PRKRA: variants seen among roughly 807,000 people sequenced by gnomAD.
The protein encoded by PRKRA is interferon-inducible double-stranded RNA-dependent protein kinase activator A.
In PRKRA, 22 loss-of-function variants were observed where a neutral mutation model predicts 32.4. That is an observed-to-expected ratio of 0.68 (90% CI 0.49 to 0.97). PRKRA has a LOEUF of 0.97. PRKRA is among the 50% of genes least tolerant of loss of function. PRKRA has a pLI of 0.00. For synonymous variants in PRKRA, 139 were observed against 129.8 expected, an observed-to-expected ratio of 1.07 and a Z score of -0.48; for missense variants, 319 against 375.6, an observed-to-expected ratio of 0.85 and a Z score of 1.25.
At position 178,450,301 on chromosome 2, in the gene PRKRA, A is replaced by G. The variant is rs1470202205; in HGVS notation, c.176T>C (p.Val59Ala). The change falls in exon 2 of 8, where the codon GTG becomes GCG. Residue 59 changes from valine to alanine, a missense_variant. Val to Ala is a moderately conservative substitution (Grantham distance 64). Transcript: ENST00000325748. ...IPVYECERSD[V>A]QIHVPTFTFR... Reference sequence around the variant, plus strand: ...GGTGAAAGTGGGCACGTGTATTTGCACATCAGATCTTTCACATTCATAAAC... The same window carrying G: ...GGTGAAAGTGGGCACGTGTATTTGCGCATCAGATCTTTCACATTCATAAAC... 1 of 1,614,260 alleles carries G rather than the reference A, an allele frequency of 6.2e-7. No homozygotes were observed. Among genetic ancestry groups the G allele is most frequent in the Admixed American group, 1.7e-5 (1 of 60,030 alleles).
At chr2:178,449,055 T>C (rs147203486) in intron 2 of PRKRA, among the ~76,000 whole-genome samples, 1 of 152,322 alleles carries the variant, frequency 6.6e-6, no homozygotes, top group Non-Finnish European at 1.5e-5. Context: ...TTCAGAATAT[T>C]AGTCTTTAGA....
intron 2 of PRKRA, among the ~76,000 whole-genome samples, chr2:178,449,427 C>A (rs557292036): frequency 6.6e-6 from 1 of 152,168 alleles, no homozygotes; most frequent in South Asian, 2.1e-4. Flanking sequence ...AGAACTTGAG[C>A]CTTCCTACTA....
chr2:178,442,173 C>G (rs1697143077), intron 5 of PRKRA, among the ~76,000 whole-genome samples: 1 of 152,190 alleles, frequency 6.6e-6, no homozygotes, highest in South Asian at 2.1e-4. Context: ...GTGTGAGCCA[C>G]TGTGCCAGGC....
intron 3 of PRKRA, 45 bp downstream of exon 3, chr2:178,447,460 G>A (rs775145809): frequency 1.2e-5 from 20 of 1,613,792 alleles, no homozygotes; most frequent in Middle Eastern, 1.7e-4. Context: ...TCTTACCTCA[G>A]CCATGATATT....
In PRKRA at chr2:178,441,638, T is replaced by C. The variant is rs749948940; in HGVS notation, c.581A>G (p.Asn194Ser). 6.2e-7 allele frequency: 1 copy of C among 1,608,110 alleles called. No individual in the cohort carries two copies. The highest frequency in any genetic ancestry group is 1.7e-5 in the Admixed American group (1 of 60,020). The change falls in exon 6 of 8, where the codon AAT becomes AGT. Residue 194 changes from asparagine to serine, a missense_variant. Asn to Ser is a conservative substitution (Grantham distance 46). Transcript: ENST00000325748. ...AAEKFLAKFS[N>S]ISPENHISLT... is the part of the protein sequence containing the mutation. ...AGAAATGTGGTTCTCTGGAGAAATATTACTAAATTTGGCAAGAAATTTCTC... is the reference window on the plus strand; with the variant it reads ...AGAAATGTGGTTCTCTGGAGAAATACTACTAAATTTGGCAAGAAATTTCTC...
intron 2 of PRKRA, among the ~76,000 whole-genome samples, chr2:178,447,804 A>T (rs1186521569): frequency 2.6e-5 from 4 of 152,250 alleles, no homozygotes; most frequent in East Asian, 1.9e-4. Flanking sequence ...AAAAAATTTT[A>T]AAAAATAACT....
chr2:178,450,920 C>A lies in PRKRA; in HGVS notation c.65+46G>T, dbSNP rs980752424. On this transcript the variant is annotated intron_variant, in intron 1 of 7. Transcript: ENST00000325748. ...CCGGCTCCCCGCGCCCCGGCCCTGC[C>A]GCCCAACGCTCCCGGCCCTGGGGCC... 5 of 1,518,232 alleles carry A rather than the reference C, an allele frequency of 3.3e-6. No homozygotes were observed. The African/African-American group carries it at 4.3e-5, about 13-fold the overall frequency. 94.0% of individuals were successfully genotyped at this position (1,518,232 alleles called of 1,614,324 possible).
rs1575082034 is a variant in PRKRA, at chr2:178,431,930, A to G, written c.*167T>C. On this transcript the variant is annotated 3_prime_UTR_variant, in exon 8 of 8. Coordinates refer to ENST00000325748, the MANE Select transcript of PRKRA (RefSeq NM_003690.5). ...TGATACAAAGTTGAAGCCATTAAAA[A>G]GAGCTTAATAACAACTATGAGGAGA... The G allele has an allele frequency of 1.2e-6, 1 of 839,244 alleles. No homozygotes were observed. Among genetic ancestry groups the G allele is most frequent in the Non-Finnish European group, 1.9e-6 (1 of 539,046 alleles). The allele number at this position is 839,244 out of a possible 1,614,324, so 52.0% of individuals were successfully genotyped here.
At position 178,432,157 on chromosome 2, in the gene PRKRA, T is replaced by G. The variant is rs1696681477; in HGVS notation, c.882A>C (p.Ala294=). The change falls in exon 8 of 8, where the codon GCA becomes GCC. Residue 294 remains alanine (A), a synonymous_variant. Coordinates refer to ENST00000325748, the MANE Select transcript of PRKRA (RefSeq NM_003690.5). ...AAGCATTGTGAGCTGCATCACTTTG[T>G]GCATTGCCACAGGAGATACCGGAGC... The part of the protein sequence containing the change: ...CHGSGISCGN[A]QSDAAHNALQ... 6.2e-7 allele frequency: 1 copy of G among 1,614,252 alleles called. No homozygotes were observed. The highest frequency in any genetic ancestry group is 8.5e-7 in the Non-Finnish European group (1 of 1,180,052).
intron 3 of PRKRA, 70 bp downstream of exon 3, chr2:178,447,435 T>C (rs560334959): frequency 1.3e-5 from 17 of 1,331,820 alleles, no homozygotes; most frequent in South Asian, 5.6e-5. Context: ...TTTGTAAGCA[T>C]GTTCAAATTT....
intron 4 of PRKRA, 184 bp from the exon 5 acceptor site, chr2:178,443,568 C>G (rs1369337435): frequency 1.9e-6 from 1 of 535,006 alleles, no homozygotes; most frequent in Non-Finnish European, 3.4e-6. Context: ...ATTTTTATAC[C>G]CCAATACCAA....
rs1697618841 is a variant in PRKRA at position 178,451,107 on chromosome 2, CGG to C, written c.-79_-78del. 50 of 1,481,082 alleles carry C rather than the reference CGG, an allele frequency of 3.4e-5. 1 individual carries two copies. The South Asian group carries it at 6.1e-4, about 18-fold the overall frequency. The allele number at this position is 1,481,082 out of a possible 1,614,324, so 91.7% of individuals were successfully genotyped here. Reference sequence around the variant, plus strand: ...GCTCGCTCCCCGGGTCGCTGGTCCCCGGGAGGAGCTCCAGCGCCGCCACCTCC... The same window carrying C: ...GCTCGCTCCCCGGGTCGCTGGTCCCCGAGGAGCTCCAGCGCCGCCACCTCC... On this transcript the variant is annotated 5_prime_UTR_variant, in exon 1 of 8. Coordinates refer to ENST00000325748, the MANE Select transcript of PRKRA (RefSeq NM_003690.5).
chr2:178,432,372 C>T lies in PRKRA; in HGVS notation c.785-118G>A, dbSNP rs1007070846. The T allele has an allele frequency of 2.3e-6, 3 of 1,303,014 alleles. No homozygotes were observed. The East Asian group carries it at 7.4e-5, about 32-fold the overall frequency. 80.7% of individuals were successfully genotyped at this position (1,303,014 alleles called of 1,614,324 possible). A position where few individuals can be genotyped will look rare whatever the true frequency, so the allele number is the denominator to read the frequency against. On this transcript the variant is annotated intron_variant, in intron 7 of 7. Coordinates refer to ENST00000325748, the MANE Select transcript of PRKRA (RefSeq NM_003690.5). ...CTTTTTAAGCCTCCATGGTATACTACACCACTCGCAATCTTTGTTTTGCTT... is the reference window on the plus strand; with the variant it reads ...CTTTTTAAGCCTCCATGGTATACTATACCACTCGCAATCTTTGTTTTGCTT...
intron 2 of PRKRA, 160 bp downstream of exon 2, chr2:178,450,082 T>C (rs1697500868): frequency 1.1e-6 from 1 of 920,030 alleles, no homozygotes; most frequent in Non-Finnish European, 1.8e-6. Context: ...GAGAATCAGA[T>C]GCAGCTGAAA....
intron 7 of PRKRA, among the ~76,000 whole-genome samples, chr2:178,434,616 G>GTC (rs1034219581): frequency 2.6e-5 from 4 of 151,996 alleles, no homozygotes; most frequent in African/African-American, 9.6e-5. Flanking sequence ...CTAACCATCT[G>GTC]TCTGCACTGA....
intron 3 of PRKRA, chr2:178,447,244 G>A: frequency 2.3e-6 from 1 of 430,542 alleles, no homozygotes; most frequent in African/African-American, 2.0e-5. Context: ...AAGAAGCACT[G>A]ATTTTCTACT....
intron 2 of PRKRA, among the ~76,000 whole-genome samples, chr2:178,448,318 TTTCAAGTGTGGCC>T (rs1224743046): frequency 6.6e-5 from 10 of 152,290 alleles, no homozygotes; most frequent in Admixed American, 2.0e-4. Context: ...ATGGAATAAG[TTTCAAGTGTGGCC>T]TTCAAGTGTG....
In PRKRA at chr2:178,447,258, G is replaced by A. The variant is rs568324076; in HGVS notation, c.317+247C>T. 2.4e-3 allele frequency: 1,281 copies of A among 535,256 alleles called. 29 individuals are homozygous for A. Among genetic ancestry groups the A allele is most frequent in the South Asian group, 0.024 (1,043 of 44,246 alleles). 33.2% of individuals were successfully genotyped at this position (535,256 alleles called of 1,614,324 possible). ...CAAGAAGCACTGATTTTCTACTGTT[G>A]TATCCCATTAAAAAAAAAAAAACAG... On this transcript the variant is annotated intron_variant, in intron 3 of 7. Coordinates refer to ENST00000325748, the MANE Select transcript of PRKRA (RefSeq NM_003690.5).
intron 7 of PRKRA, chr2:178,433,915 A>C (rs149393501): frequency 1.2e-4 from 18 of 152,288 alleles, no homozygotes; most frequent in African/African-American, 4.1e-4. Context: ...AGTTCTCAAA[A>C]CTGGGAAGAA....
Sources: allele counts gnomAD v4.1 joint callset (sites outside exome capture counted in the v4.1 genomes callset), GRCh38; gene constraint gnomAD v4.1.1; transcripts MANE v1.5; gene names NCBI Gene and HGNC (gene_info 2026-07-23, HGNC 2026-07-21).